RPTOR: variants seen among roughly 807,000 people sequenced by gnomAD.
The protein encoded by RPTOR is regulatory associated protein of MTOR complex 1.
A neutral mutation model predicts 169.9 loss-of-function variants in RPTOR; 21 were observed. The ratio of observed to expected loss-of-function variants is 0.12; its 90% confidence interval spans 0.09 to 0.18. RPTOR has a LOEUF of 0.18. Ranked by LOEUF, RPTOR falls within the 10% of genes least tolerant of loss-of-function variation. The probability of loss-of-function intolerance (pLI) is 1.00; values close to 1 mark genes in which losing one functional copy is unlikely to be tolerated. For synonymous variants in RPTOR, 732 were observed against 753.2 expected (o/e 0.97, Z 0.46); for missense variants, 1,133 against 1,855.9 (o/e 0.61, Z 7.16).
At chr17:80,835,115 T>C (rs1332011062) in intron 9 of RPTOR, among the ~76,000 whole-genome samples, 1 of 152,182 alleles carries the variant, frequency 6.6e-6, no homozygotes, top group Admixed American at 6.5e-5. Context: ...TTTGATTATC[T>C]CCTGATTGCT....
At chr17:80,548,703 A>G (rs937358753) in intron 1 of RPTOR, among the ~76,000 whole-genome samples, 3 of 151,984 alleles carry the variant, frequency 2.0e-5, no homozygotes, top group Admixed American at 6.6e-5. Flanking sequence ...TGGGTTACCT[A>G]CGTAAGAATC....
At chr17:80,753,871 C>A in intron 5 of RPTOR, 139 bp from the exon 6 acceptor site, 1 of 794,214 alleles carries the variant, frequency 1.3e-6, no homozygotes, top group Non-Finnish European at 2.1e-6. Context: ...AGCGACGCCT[C>A]TCTCCAGAGG....
chr17:80,962,893 G>C (rs756795482), intron 32 of RPTOR, 35 bp from the exon 33 acceptor site: 2 of 1,612,270 alleles, frequency 1.2e-6, no homozygotes, highest in South Asian at 1.1e-5. Context: ...TCAAAGAAGA[G>C]GGCAGTGATG....
At chr17:80,711,245 G>A (rs2066187665) in intron 4 of RPTOR, among the ~76,000 whole-genome samples, 1 of 152,174 alleles carries the variant, frequency 6.6e-6, no homozygotes, top group Admixed American at 6.5e-5. Context: ...TTCCTGTGAG[G>A]AGTTTATGTA....
chr17:80,649,371 A>G (rs987195625), intron 3 of RPTOR, among the ~76,000 whole-genome samples: 1 of 152,130 alleles, frequency 6.6e-6, no homozygotes, highest in Non-Finnish European at 1.5e-5. Flanking sequence ...CCCTGATGCC[A>G]TTACCATTCC....
chr17:80,943,582 C>T (rs1280208146), intron 25 of RPTOR, among the ~76,000 whole-genome samples: 2 of 152,202 alleles, frequency 1.3e-5, no homozygotes, highest in Non-Finnish European at 2.9e-5. Context: ...CCCGTTGTCC[C>T]AGTGTGCAGG....
chr17:80,631,357 G>A (rs2065440598), intron 2 of RPTOR, among the ~76,000 whole-genome samples: 1 of 152,154 alleles, frequency 6.6e-6, no homozygotes, highest in African/African-American at 2.4e-5. Context: ...CAGTGGGGGT[G>A]CATGCAGGAG....
At chr17:80,802,315 T>G (rs2067168935) in intron 7 of RPTOR, 1 of 152,322 alleles carries the variant, frequency 6.6e-6, no homozygotes, top group South Asian at 2.1e-4. Context: ...AAACGTGGGC[T>G]GGGCGCAGTG....
Position 80,708,874 on chromosome 17 carries a change from C to T in RPTOR, c.507+875C>T, listed in dbSNP as rs554886280. 56 of 946,344 alleles carry T rather than the reference C, an allele frequency of 5.9e-5. No individual in the cohort carries two copies. In the East Asian group the frequency reaches 2.4e-3, roughly 41 times the overall value. 58.6% of individuals were successfully genotyped at this position (946,344 alleles called of 1,614,324 possible). ...ATCCAGCAAATCCGAGTCCCAGTTTCGGTTGTGCTGTCAGCCTCCTGGGCT... is the reference window on the plus strand; with the variant it reads ...ATCCAGCAAATCCGAGTCCCAGTTTTGGTTGTGCTGTCAGCCTCCTGGGCT... On this transcript the variant is annotated intron_variant, in intron 4 of 33. Transcript: ENST00000306801. The surrounding 1 kb of genome is among the most constrained non-coding windows in gnomAD (Gnocchi z 4.2).
At chr17:80,681,105 A>G (rs8075839) in intron 3 of RPTOR, among the ~76,000 whole-genome samples, 103,906 of 151,960 alleles carry the variant, frequency 0.68, 36,507 homozygotes, top group African/African-American at 0.85. Flanking sequence ...GTCCAGGCTC[A>G]TGGAGGGAGG....
Position 80,823,474 on chromosome 17 carries a change from A to G in RPTOR, c.1136+251A>G. ...GGGAGCAGCGGCCGGCTGAAGCCTC[A>G]CAGCTCTGCAACTCGGGAGGGTAGC... On this transcript the variant is annotated intron_variant, in intron 9 of 33. Transcript: ENST00000306801. This position sits in a 1 kb window ranked among gnomAD's most constrained non-coding sequence, Gnocchi z 4.5. The G allele has an allele frequency of 2.4e-6, 1 of 412,904 alleles. No homozygotes were observed. The highest frequency in any genetic ancestry group is 4.7e-5 in the South Asian group (1 of 21,324). 25.6% of individuals were successfully genotyped at this position (412,904 alleles called of 1,614,324 possible).
chr17:80,960,827 C>G lies in RPTOR; in HGVS notation c.3606-567C>G, dbSNP rs562835479. On this transcript the variant is annotated intron_variant, in intron 30 of 33. Coordinates refer to ENST00000306801, the MANE Select transcript of RPTOR (RefSeq NM_020761.3). The surrounding 1 kb of genome is among the most constrained non-coding windows in gnomAD (Gnocchi z 4.8). ...TGGGCACAGCAGCCCCGGGCACTGC[C>G]TCTGCTGAGCACCCCCGTGGGCAGG... The G allele has an allele frequency of 2.5e-5, 4 of 157,952 alleles. No homozygotes were observed. Among genetic ancestry groups the G allele is most frequent in the African/African-American group, 9.8e-5 (4 of 40,928 alleles). The allele number at this position is 157,952 out of a possible 1,614,324, so 9.8% of individuals were successfully genotyped here.
At position 80,749,477 on chromosome 17, in the gene RPTOR, G is replaced by T. The variant is rs1243427786; in HGVS notation, c.655-4533G>T. Among the ~76,000 whole-genome samples the T allele has an allele frequency of 5.6e-3, 687 of 122,210 alleles. 11 individuals are homozygous for T. The highest frequency in any genetic ancestry group is 8.8e-3 in the Non-Finnish European group (503 of 57,044). 80.2% of individuals were successfully genotyped at this position (122,210 alleles called of 152,430 possible). A position where few individuals can be genotyped will look rare whatever the true frequency, so the allele number is the denominator to read the frequency against. On this transcript the variant is annotated intron_variant, in intron 5 of 33. Coordinates refer to ENST00000306801, the MANE Select transcript of RPTOR (RefSeq NM_020761.3). ...TGGCGGGAGGACCTGTTGGGTGGAT[G>T]GAGGGGCTGCGGTGTGTGTTTGGAG...
chr17:80,898,028 T>C (rs2068428029), intron 20 of RPTOR, among the ~76,000 whole-genome samples: 1 of 152,214 alleles, frequency 6.6e-6, no homozygotes, highest in Non-Finnish European at 1.5e-5. Flanking sequence ...AGATGATGTG[T>C]TCTTTCGGTG....
intron 11 of RPTOR, 78 bp downstream of exon 11, chr17:80,846,652 C>A: frequency 8.4e-7 from 1 of 1,183,908 alleles, no homozygotes; most frequent in Non-Finnish European, 1.2e-6. Context: ...CCCGGGAGTG[C>A]CTTCTCTCTC....
rs2067188911 is a variant in RPTOR, at chr17:80,803,850, C to G, written c.890+12341C>G. 6.6e-6 allele frequency: 1 copy of G among 152,288 alleles called. No individual in the cohort carries two copies. The highest frequency in any genetic ancestry group is 1.5e-5 in the Non-Finnish European group (1 of 68,066). The allele number at this position is 152,288 out of a possible 1,614,324, so 9.4% of individuals were successfully genotyped here. On this transcript the variant is annotated intron_variant, in intron 7 of 33. Coordinates refer to ENST00000306801, the MANE Select transcript of RPTOR (RefSeq NM_020761.3). The surrounding 1 kb of genome is among the most constrained non-coding windows in gnomAD (Gnocchi z 6.2). ...CTTTGATTGGGCAGCCTGATGAGGC[C>G]CATGAAGAGGCAACACTGGAACTGA...
intron 17 of RPTOR, among the ~76,000 whole-genome samples, chr17:80,887,598 G>C (rs1199057312): frequency 1.3e-5 from 2 of 152,186 alleles, no homozygotes; most frequent in African/African-American, 4.8e-5. Flanking sequence ...CCCGTCCTGA[G>C]CCTGCTGTGG....
chr17:80,563,913 A>G (rs2084537017), intron 1 of RPTOR, among the ~76,000 whole-genome samples: 2 of 152,166 alleles, frequency 1.3e-5, no homozygotes, highest in Admixed American at 1.3e-4. Context: ...TCTCTCGCTC[A>G]GCATTGTCTG....
intron 3 of RPTOR, among the ~76,000 whole-genome samples, chr17:80,706,885 G>C (rs2066146233): frequency 6.6e-6 from 1 of 152,176 alleles, no homozygotes; most frequent in South Asian, 2.1e-4. Flanking sequence ...CACGTCTTCT[G>C]TGTTTTCCAG....
Sources: allele counts gnomAD v4.1 joint callset (sites outside exome capture counted in the v4.1 genomes callset), GRCh38; gene constraint gnomAD v4.1.1; non-coding constraint Gnocchi (gnomAD v3.1); transcripts MANE v1.5; gene names NCBI Gene and HGNC (gene_info 2026-07-23, HGNC 2026-07-21).